ENOX1: variants seen among roughly 807,000 people sequenced by gnomAD.
ENOX1 encodes the protein ecto-NOX disulfide-thiol exchanger 1.
ENOX1 carries 42 observed loss-of-function variants against 82.5 expected under a neutral mutation model. That is an observed-to-expected ratio of 0.51 (90% CI 0.40 to 0.66). ENOX1 has a LOEUF of 0.66. Among genes scored for constraint, ENOX1 ranks in the 30% least tolerant of loss-of-function variants. ENOX1 has a pLI of 0.00. For missense variants in ENOX1, 608 were observed against 811.6 expected (o/e 0.75, Z 3.05); for synonymous variants, 271 against 282.2 (o/e 0.96, Z 0.40).
chr13:43,665,518 A>G (rs1435146591), intron 2 of ENOX1, among the ~76,000 whole-genome samples: 2 of 152,144 alleles, frequency 1.3e-5, no homozygotes, highest in Non-Finnish European at 2.9e-5. Context: ...GTTAAATTTA[A>G]TAAGTGCAAA....
At chr13:43,495,892 T>A (rs1289092851) in intron 2 of ENOX1, among the ~76,000 whole-genome samples, 1 of 152,086 alleles carries the variant, frequency 6.6e-6, no homozygotes, top group Non-Finnish European at 1.5e-5. Flanking sequence ...AAGTGGTACT[T>A]AAATTTACAT....
intron 2 of ENOX1, among the ~76,000 whole-genome samples, chr13:43,605,684 A>C (rs9567232): frequency 0.43 from 64,708 of 152,032 alleles, 16,323 homozygotes; most frequent in East Asian, 0.79. Context: ...AAAATCTAAG[A>C]GCTCAAACTG....
At chr13:43,259,111 G>A (rs1411302885) in intron 14 of ENOX1, among the ~76,000 whole-genome samples, 1 of 152,170 alleles carries the variant, frequency 6.6e-6, no homozygotes, top group Non-Finnish European at 1.5e-5. Flanking sequence ...GCAAAGCAAG[G>A]CTCACAGTAC....
intron 2 of ENOX1, among the ~76,000 whole-genome samples, chr13:43,658,765 C>T (rs1212594973): frequency 1.3e-5 from 2 of 150,126 alleles, no homozygotes; most frequent in African/African-American, 5.0e-5. Flanking sequence ...TTTACCATCA[C>T]CTGTGAATTC....
chr13:43,314,391 C>T (rs544885040), intron 11 of ENOX1, among the ~76,000 whole-genome samples: 3 of 152,328 alleles, frequency 2.0e-5, no homozygotes, highest in Non-Finnish European at 4.4e-5. Context: ...TAACTACCTA[C>T]GGTTACTAGA....
chr13:43,304,229 G>A (rs116654135), intron 11 of ENOX1, among the ~76,000 whole-genome samples: 1,685 of 152,342 alleles, frequency 0.011, 17 homozygotes, highest in African/African-American at 0.037. Context: ...AACAGTGGTA[G>A]TGACAGCTAA....
chr13:43,566,183 C>A (rs139528159), intron 2 of ENOX1, among the ~76,000 whole-genome samples: 1 of 152,114 alleles, frequency 6.6e-6, no homozygotes, highest in Non-Finnish European at 1.5e-5. Context: ...TTAGTGTTTA[C>A]ATTTTTTCCC....
chr13:43,760,385 A>G (rs1000111311), intron 1 of ENOX1, among the ~76,000 whole-genome samples: 1 of 152,140 alleles, frequency 6.6e-6, no homozygotes, highest in Non-Finnish European at 1.5e-5. Context: ...TGTTAGTACT[A>G]TGTATTTATA....
intron 2 of ENOX1, among the ~76,000 whole-genome samples, chr13:43,616,117 G>GATATCTATATATATAGATATCTATAT (rs1357546310): frequency 6.7e-5 from 1 of 14,976 alleles, no homozygotes; most frequent in African/African-American, 1.7e-4. Flanking sequence ...GATATCTATA[G>GATATCTATATATATAGATATCTATAT]ATCTATAGAT....
At chr13:43,392,747 TTA>T (rs1340093095) in intron 5 of ENOX1, among the ~76,000 whole-genome samples, 1 of 152,170 alleles carries the variant, frequency 6.6e-6, no homozygotes, top group Non-Finnish European at 1.5e-5. Flanking sequence ...GAATAAAATT[TTA>T]GTTTCAATAT....
intron 5 of ENOX1, among the ~76,000 whole-genome samples, chr13:43,369,546 T>A (rs1314440522): frequency 3.3e-5 from 5 of 152,224 alleles, no homozygotes; most frequent in African/African-American, 1.2e-4. Context: ...TGACAAATGC[T>A]AAGTGACCTC....
intron 2 of ENOX1, among the ~76,000 whole-genome samples, chr13:43,489,957 GA>G (rs1566363562): frequency 6.6e-6 from 1 of 151,868 alleles, no homozygotes; most frequent in Non-Finnish European, 1.5e-5. Context: ...CTTTATTTTT[GA>G]GACAGAATGT....
chr13:43,340,756 G>A (rs1160900254), intron 9 of ENOX1, among the ~76,000 whole-genome samples: 2 of 152,128 alleles, frequency 1.3e-5, no homozygotes, highest in Non-Finnish European at 2.9e-5. Context: ...ACTACTCAAC[G>A]AGGTCACCAG....
intron 2 of ENOX1, among the ~76,000 whole-genome samples, chr13:43,504,761 T>C (rs1015988849): frequency 4.0e-5 from 6 of 151,550 alleles, no homozygotes; most frequent in African/African-American, 1.5e-4. Flanking sequence ...CTATAGTTAA[T>C]ATTTTGTAAG....
chr13:43,296,146 T>G (rs932934743), intron 12 of ENOX1, among the ~76,000 whole-genome samples: 2 of 152,220 alleles, frequency 1.3e-5, no homozygotes, highest in African/African-American at 4.8e-5. Flanking sequence ...GATTGAATTG[T>G]GCCCTGCCCC....
intron 2 of ENOX1, among the ~76,000 whole-genome samples, chr13:43,574,890 TC>T (rs2080345448): frequency 6.6e-6 from 1 of 152,172 alleles, no homozygotes; most frequent in Non-Finnish European, 1.5e-5. Flanking sequence ...ATGACTGGCA[TC>T]CATGTGGAGA....
chr13:43,251,567 T>C (rs553133379), intron 14 of ENOX1, among the ~76,000 whole-genome samples: 1 of 152,230 alleles, frequency 6.6e-6, no homozygotes, highest in African/African-American at 2.4e-5. Flanking sequence ...TGATAAATTG[T>C]AGGAATCTAG....
At chr13:43,579,129 C>T (rs1555330921) in intron 2 of ENOX1, among the ~76,000 whole-genome samples, 1 of 151,860 alleles carries the variant, frequency 6.6e-6, no homozygotes, top group Non-Finnish European at 1.5e-5. Context: ...CTTGAAGACT[C>T]AAAGTGTAGA....
intron 1 of ENOX1, among the ~76,000 whole-genome samples, chr13:43,753,485 A>G (rs1029693553): frequency 3.3e-5 from 5 of 152,094 alleles, no homozygotes; most frequent in Admixed American, 2.6e-4. Context: ...TAGTAACACA[A>G]TTGATTTTTA....
Sources: gnomAD v4.1 joint callset for allele counts (sites outside exome capture counted in the v4.1 genomes callset) on GRCh38, gnomAD v4.1.1 for gene constraint, MANE v1.5 for transcripts, NCBI Gene and HGNC (gene_info 2026-07-23, HGNC 2026-07-21) for gene names.